The following COL6A2 variants were observed in gnomAD, a reference collection of about 807,000 sequenced individuals.
The protein encoded by COL6A2 is collagen alpha-2(VI) chain.
A neutral mutation model predicts 124.9 loss-of-function variants in COL6A2; 90 were observed. The observed-to-expected ratio is 0.72, with a 90% CI of 0.61 to 0.86. The LOEUF is 0.86. COL6A2 is among the 40% of genes least tolerant of loss of function. The pLI is 0.00. For synonymous variants in COL6A2, 793 were observed against 618.2 expected, an observed-to-expected ratio of 1.28 and a Z score of -4.19; for missense variants, 1,607 against 1,502.5, an observed-to-expected ratio of 1.07 and a Z score of -1.15.
chr21:46,117,462 C>T lies in COL6A2; in HGVS notation c.1053+9C>T, dbSNP rs781673478. 5.0e-6 allele frequency: 8 copies of T among 1,612,306 alleles called. No individual in the cohort carries two copies. The highest frequency in any genetic ancestry group is 2.2e-5 in the East Asian group (1 of 44,888). On this transcript the variant is annotated intron_variant, in intron 11 of 27. Coordinates refer to ENST00000300527, the MANE Select transcript of COL6A2 (RefSeq NM_001849.4). ...GAGACCCTGGAAACCGGGTAAGGGC[C>T]GTTTGCACCCCTCCTTCAGCCTCGG...
rs1337437963 is a variant in COL6A2, at chr21:46,112,109, G to A, written c.246G>A (p.Gln82=). 5.0e-6 allele frequency: 8 copies of A among 1,613,250 alleles called. No homozygotes were observed. Among genetic ancestry groups the A allele is most frequent in the Non-Finnish European group, 5.9e-6 (7 of 1,180,044 alleles). The change falls in exon 3 of 28, where the codon CAG becomes CAA. Residue 82 remains glutamine (Q), a synonymous_variant. Transcript: ENST00000300527. Reference sequence around the variant, plus strand: ...TGCCGCAGTTCATCAGCCAGCTGCAGAACGAGTTCTACCTGGACCAGGTGG... The same window carrying A: ...TGCCGCAGTTCATCAGCCAGCTGCAAAACGAGTTCTACCTGGACCAGGTGG... ...QFVPQFISQL[Q]NEFYLDQVAL... is the part of the protein sequence containing the mutation.
Position 46,116,601 on chromosome 21 carries a change from A to G in COL6A2, c.928-50A>G. ...TTGCCCCCCAGAGGCAGCAGTGCCCATGATGCTTTGAGGCACCGAGCTCAC... is the reference window on the plus strand; with the variant it reads ...TTGCCCCCCAGAGGCAGCAGTGCCCGTGATGCTTTGAGGCACCGAGCTCAC... On this transcript the variant is annotated intron_variant, in intron 8 of 27. Transcript: ENST00000300527. This position sits in a 1 kb window ranked among gnomAD's most constrained non-coding sequence, Gnocchi z 4.6. 4 of 1,611,958 alleles carry G rather than the reference A, an allele frequency of 2.5e-6. No individual in the cohort carries two copies. In the South Asian group the frequency reaches 4.4e-5, roughly 18 times the overall value.
At chr21:46,123,465 G>A (rs946619361) in intron 21 of COL6A2, among the ~76,000 whole-genome samples, 14 of 152,286 alleles carry the variant, frequency 9.2e-5, no homozygotes, top group Admixed American at 7.8e-4. Context: ...AGGGCTGCAG[G>A]TTGGTCTGGA....
At chr21:46,120,331 G>T (rs1239060538) in intron 15 of COL6A2, among the ~76,000 whole-genome samples, 184 bp from the exon 16 acceptor site, 1 of 152,168 alleles carries the variant, frequency 6.6e-6, no homozygotes, top group Admixed American at 6.5e-5. Flanking sequence ...TGCTCAGAGC[G>T]GCAGCTACAG....
At chr21:46,127,117 C>A (rs983777688) in intron 27 of COL6A2, among the ~76,000 whole-genome samples, 3 of 152,108 alleles carry the variant, frequency 2.0e-5, no homozygotes, top group African/African-American at 7.2e-5. Context: ...GGTGCTGCCC[C>A]CATGGTGCAC....
At chr21:46,105,700 C>T (rs1012704350) in intron 1 of COL6A2, among the ~76,000 whole-genome samples, 6 of 151,126 alleles carry the variant, frequency 4.0e-5, no homozygotes, top group Admixed American at 4.0e-4. Context: ...CCCATGGTAA[C>T]AACAAAGAAA....
chr21:46,119,360 C>T (rs945659125), intron 14 of COL6A2, among the ~76,000 whole-genome samples: 11 of 152,170 alleles, frequency 7.2e-5, no homozygotes, highest in African/African-American at 2.7e-4. Context: ...GCACCAGCTG[C>T]CCAGGGCATC....
chr21:46,121,524 T>A (rs776960378), intron 17 of COL6A2, 32 bp from the exon 18 acceptor site: 2 of 1,609,952 alleles, frequency 1.2e-6, no homozygotes, highest in Non-Finnish European at 1.7e-6. Context: ...TCCCTGCCTG[T>A]GCTGACTTCT....
At chr21:46,128,153 G>A (rs187398487) in intron 27 of COL6A2, among the ~76,000 whole-genome samples, 35 of 152,336 alleles carry the variant, frequency 2.3e-4, no homozygotes, top group African/African-American at 7.2e-4. Context: ...CCTCCTGGGA[G>A]TGGGTCACTC....
intron 27 of COL6A2, among the ~76,000 whole-genome samples, chr21:46,130,950 T>TCAC (rs1209753333): frequency 6.6e-6 from 1 of 152,168 alleles, no homozygotes; most frequent in Non-Finnish European, 1.5e-5. Context: ...CAGCGTGAGG[T>TCAC]CACCCTGCTG....
intron 1 of COL6A2, among the ~76,000 whole-genome samples, chr21:46,107,425 C>T (rs1403340572): frequency 6.6e-6 from 1 of 152,166 alleles, no homozygotes; most frequent in Non-Finnish European, 1.5e-5. Context: ...TATTTTACCC[C>T]AAAACATGTT....
At chr21:46,119,300 G>A (rs941353308) in intron 14 of COL6A2, among the ~76,000 whole-genome samples, 181 bp downstream of exon 14, 6 of 152,210 alleles carry the variant, frequency 3.9e-5, no homozygotes, top group African/African-American at 1.4e-4. Context: ...CCCAGAGCTG[G>A]ACTTAGAGGT....
intron 23 of COL6A2, 78 bp downstream of exon 23, chr21:46,124,998 G>T (rs1339885250): frequency 2.6e-6 from 4 of 1,551,090 alleles, no homozygotes; most frequent in Non-Finnish European, 3.6e-6. Flanking sequence ...GTGGGGGAAG[G>T]TCAGCTGGCA....
chr21:46,128,296 G>C (rs1315463051), intron 27 of COL6A2, among the ~76,000 whole-genome samples: 1 of 152,188 alleles, frequency 6.6e-6, no homozygotes, highest in Non-Finnish European at 1.5e-5. Context: ...CCTCCTCTCG[G>C]CCGCCCTGAC....
chr21:46,120,510 C>A lies in COL6A2; in HGVS notation c.1333-5C>A. The A allele has an allele frequency of 6.6e-7, 1 of 1,513,014 alleles. No homozygotes were observed. The highest frequency in any genetic ancestry group is 2.4e-5 in the Admixed American group (1 of 42,302). The allele number at this position is 1,513,014 out of a possible 1,614,324, so 93.7% of individuals were successfully genotyped here. On this transcript the variant is annotated splice_polypyrimidine_tract_variant and splice_region_variant and intron_variant, in intron 15 of 27. Transcript: ENST00000300527. Reference sequence around the variant, plus strand: ...ACCCGTGGGGCCTCCCTTCCCTTCCCACAGGGGGACCCTGGCCCTGAGGGG... The same window carrying A: ...ACCCGTGGGGCCTCCCTTCCCTTCCAACAGGGGGACCCTGGCCCTGAGGGG...
Position 46,125,520 on chromosome 21 carries a change from G to A in COL6A2, c.1872G>A (p.Glu624=), listed in dbSNP as rs147566231. The change falls in exon 25 of 28, where the codon GAG becomes GAA. Residue 624 remains glutamate, a synonymous_variant. Transcript: ENST00000300527. ...LDVVFVIDSS[E]SIGYTNFTLE... ...TGGTCTTCGTCATCGACAGCTCCGA[G>A]AGCATTGGGTACACCAACTTCACAC... The A allele has an allele frequency of 6.2e-6, 10 of 1,613,026 alleles. No individual in the cohort carries two copies. In the African/African-American group the frequency reaches 1.2e-4, roughly 19 times the overall value.
At chr21:46,120,309 C>T (rs980062404) in intron 15 of COL6A2, among the ~76,000 whole-genome samples, 3 of 152,246 alleles carry the variant, frequency 2.0e-5, no homozygotes, top group East Asian at 1.9e-4. Context: ...TCAGGGGGAC[C>T]GAGAGACACC....
At chr21:46,121,517 C>G (rs766931153) in intron 17 of COL6A2, 39 bp from the exon 18 acceptor site, 2 of 1,602,388 alleles carry the variant, frequency 1.2e-6, no homozygotes, top group Admixed American at 1.7e-5. Context: ...TGGCCAGTCC[C>G]TGCCTGTGCT....
chr21:46,111,429 C>T lies in COL6A2; in HGVS notation c.-27-21C>T, dbSNP rs377452888. On this transcript the variant is annotated intron_variant, in intron 1 of 27. Transcript: ENST00000300527. ...GGGAGAGGCACTGGGGGTGTCTGAG[C>T]GACCCCCACCCCTGTTGCAGGACTT... is the stretch of plus-strand genomic sequence containing the variant. 198 of 1,438,992 alleles carry T rather than the reference C, an allele frequency of 1.4e-4. No individual in the cohort carries two copies. The African/African-American group carries it at 2.1e-3, about 15-fold the overall frequency. 89.1% of individuals were successfully genotyped at this position (1,438,992 alleles called of 1,614,324 possible). A position where few individuals can be genotyped will look rare whatever the true frequency, so the allele number is the denominator to read the frequency against.
Sources: allele counts gnomAD v4.1 joint callset (sites outside exome capture counted in the v4.1 genomes callset), GRCh38; gene constraint gnomAD v4.1.1; non-coding constraint Gnocchi (gnomAD v3.1); transcripts MANE v1.5; gene names NCBI Gene and HGNC (gene_info 2026-07-23, HGNC 2026-07-21).